The following R3HCC1L variants were observed in gnomAD, a reference collection of about 807,000 sequenced individuals.
The protein encoded by R3HCC1L is R3H domain and coiled-coil containing 1 like, also known as coiled-coil domain-containing protein R3HCC1L.
Under a neutral mutation model 59.9 loss-of-function variants are expected in R3HCC1L, and 51 were observed. The ratio of observed to expected loss-of-function variants is 0.85; its 90% CI spans 0.68 to 1.07. The LOEUF is 1.07. Among genes scored for constraint, R3HCC1L ranks in the 50% least tolerant of loss-of-function variants. R3HCC1L has a pLI of 0.00. For missense variants in R3HCC1L, 965 were observed against 933.0 expected, an observed-to-expected ratio of 1.03 and a Z score of -0.45; for synonymous variants, 322 against 315.2, an observed-to-expected ratio of 1.02 and a Z score of -0.23.
At chr10:98,205,726 G>A (rs1480940016) in intron 4 of R3HCC1L, among the ~76,000 whole-genome samples, 9 of 152,220 alleles carry the variant, frequency 5.9e-5, no homozygotes, top group African/African-American at 1.7e-4. Flanking sequence ...TTACATGTGA[G>A]CATTATTTAA....
At chr10:98,223,685 G>C (rs1855325090) in intron 5 of R3HCC1L, among the ~76,000 whole-genome samples, 1 of 152,020 alleles carries the variant, frequency 6.6e-6, no homozygotes, top group African/African-American at 2.4e-5. Context: ...TTAGGCTGTG[G>C]TGGTTAGTGG....
At chr10:98,182,897 G>A (rs1343932772) in intron 4 of R3HCC1L, among the ~76,000 whole-genome samples, 1 of 152,176 alleles carries the variant, frequency 6.6e-6, no homozygotes, top group African/African-American at 2.4e-5. Context: ...CATTAGAAAA[G>A]TGCGGTATTT....
intron 4 of R3HCC1L, among the ~76,000 whole-genome samples, chr10:98,192,618 A>G (rs1357733249): frequency 6.6e-6 from 1 of 152,188 alleles, no homozygotes; most frequent in African/African-American, 2.4e-5. Flanking sequence ...GAGCAGACCC[A>G]TAAGCAGTAA....
At chr10:98,186,310 C>G (rs1383246535) in intron 4 of R3HCC1L, among the ~76,000 whole-genome samples, 1 of 152,100 alleles carries the variant, frequency 6.6e-6, no homozygotes, top group African/African-American at 2.4e-5. Flanking sequence ...TTGGTTCCTT[C>G]GGTTTTGATG....
intron 4 of R3HCC1L, among the ~76,000 whole-genome samples, chr10:98,179,627 C>T (rs61875275): frequency 0.14 from 21,656 of 151,956 alleles, 2,033 homozygotes; most frequent in Non-Finnish European, 0.2. Flanking sequence ...GGAATAGTGT[C>T]GGAAGGAATG....
intron 2 of R3HCC1L, among the ~76,000 whole-genome samples, chr10:98,157,917 A>T (rs1384713960): frequency 6.6e-6 from 1 of 152,244 alleles, no homozygotes; most frequent in East Asian, 1.9e-4. Context: ...GGAAGAGAAT[A>T]TGTTGCTGAA....
chr10:98,220,406 C>CT (rs375300854), intron 5 of R3HCC1L, among the ~76,000 whole-genome samples: 19,689 of 122,644 alleles, frequency 0.16, 1,764 homozygotes, highest in Non-Finnish European at 0.21. Context: ...TTTTTATACT[C>CT]TAAGTTTTAG....
At chr10:98,165,538 C>A (rs1003176117) in intron 4 of R3HCC1L, among the ~76,000 whole-genome samples, 4 of 152,176 alleles carry the variant, frequency 2.6e-5, no homozygotes, top group African/African-American at 9.7e-5. Flanking sequence ...TGATTTGATA[C>A]GTATGCTATC....
chr10:98,230,956 G>GTA (rs1481790531), intron 5 of R3HCC1L: 1 of 350,300 alleles, frequency 2.9e-6, no homozygotes, highest in East Asian at 7.6e-5. Flanking sequence ...AGGACATTAA[G>GTA]TATAACTACT....
intron 5 of R3HCC1L, among the ~76,000 whole-genome samples, chr10:98,230,230 A>T (rs542190335): frequency 6.6e-6 from 1 of 152,254 alleles, no homozygotes; most frequent in East Asian, 1.9e-4. Context: ...TTTGGTTGGT[A>T]AGCTATTAAT....
intron 4 of R3HCC1L, among the ~76,000 whole-genome samples, chr10:98,207,174 G>A (rs890661269): frequency 6.6e-6 from 1 of 152,144 alleles, no homozygotes; most frequent in African/African-American, 2.4e-5. Context: ...GTGTATGTGG[G>A]TGTTTCTCTG....
At chr10:98,235,746 A>G (rs1381027741) in intron 8 of R3HCC1L, among the ~76,000 whole-genome samples, 1 of 152,210 alleles carries the variant, frequency 6.6e-6, no homozygotes, top group Non-Finnish European at 1.5e-5. Context: ...CAATGCAGCA[A>G]TCAGTTTCTG....
At chr10:98,160,329 AC>A (rs1458173656) in intron 2 of R3HCC1L, among the ~76,000 whole-genome samples, 1 of 152,240 alleles carries the variant, frequency 6.6e-6, no homozygotes, top group Non-Finnish European at 1.5e-5. Context: ...TGTAAAATGT[AC>A]ATTGGATTTG....
At position 98,163,375 on chromosome 10, in the gene R3HCC1L, A is replaced by C. The variant is rs936588555; in HGVS notation, c.-37A>C. ...GGCATGTTGTAGAGTTTTATTACTA[A>C]GAAAATAAATGTTACTTACATGGTA... On this transcript the variant is annotated 5_prime_UTR_variant, in exon 4 of 10. Coordinates refer to ENST00000298999, the MANE Select transcript of R3HCC1L (RefSeq NM_001351015.2). 2 of 1,341,414 alleles carry C rather than the reference A, an allele frequency of 1.5e-6. No homozygotes were observed. Among genetic ancestry groups the C allele is most frequent in the Non-Finnish European group, 2.0e-6 (2 of 1,013,894 alleles). The allele number at this position is 1,341,414 out of a possible 1,614,324, so 83.1% of individuals were successfully genotyped here.
intron 9 of R3HCC1L, among the ~76,000 whole-genome samples, chr10:98,238,781 A>G (rs1857227972): frequency 6.6e-6 from 1 of 152,238 alleles, no homozygotes. Context: ...TAAAGTCTCC[A>G]GGAACAAAAT....
chr10:98,153,838 A>G (rs1470454662), intron 1 of R3HCC1L, among the ~76,000 whole-genome samples: 1 of 151,254 alleles, frequency 6.6e-6, no homozygotes, highest in Non-Finnish European at 1.5e-5. Flanking sequence ...AGAAGTAGTC[A>G]GTTTAGGACT....
At chr10:98,181,915 C>A (rs576091906) in intron 4 of R3HCC1L, among the ~76,000 whole-genome samples, 2 of 152,264 alleles carry the variant, frequency 1.3e-5, no homozygotes, top group African/African-American at 4.8e-5. Flanking sequence ...TTTATCTAAT[C>A]TTTTTTTCAA....
At chr10:98,202,908 A>G (rs1175086945) in intron 4 of R3HCC1L, among the ~76,000 whole-genome samples, 1 of 151,830 alleles carries the variant, frequency 6.6e-6, no homozygotes, top group African/African-American at 2.4e-5. Context: ...CCAAAATGTC[A>G]GTGTCATAAA....
At chr10:98,230,439 A>G (rs1472085027) in intron 5 of R3HCC1L, among the ~76,000 whole-genome samples, 1 of 151,382 alleles carries the variant, frequency 6.6e-6, no homozygotes, top group Admixed American at 6.6e-5. Flanking sequence ...CCCCTTTATC[A>G]TTTTTTTTGC....
Sources: allele counts gnomAD v4.1 joint callset (sites outside exome capture counted in the v4.1 genomes callset), GRCh38; gene constraint gnomAD v4.1.1; transcripts MANE v1.5; gene names NCBI Gene and HGNC (gene_info 2026-07-23, HGNC 2026-07-21).